ARB2A: variants seen among roughly 807,000 people sequenced by gnomAD.
The protein encoded by ARB2A is cotranscriptional regulator ARB2A.
the ARB2A span, chr5:93,805,827 T>G: frequency 1.0e-6 from 1 of 985,154 alleles, no homozygotes; most frequent in Non-Finnish European, 1.2e-6. Flanking sequence ...TGTTGCACCA[T>G]ACACTTGTTG....
the ARB2A span, among the ~76,000 whole-genome samples, chr5:94,057,843 C>A: frequency 2.6e-5 from 4 of 152,076 alleles, no homozygotes; most frequent in South Asian, 4.2e-4. Flanking sequence ...GAAGGAAGAA[C>A]CCAAACAAAG....
chr5:93,887,024 G>A, the ARB2A span, among the ~76,000 whole-genome samples: 1 of 151,640 alleles, frequency 6.6e-6, no homozygotes, highest in Non-Finnish European at 1.5e-5. Context: ...GCCACAAAAA[G>A]TTTTCAGAGG....
chr5:94,049,863 T>G, the ARB2A span, among the ~76,000 whole-genome samples: 2 of 152,112 alleles, frequency 1.3e-5, no homozygotes, highest in Non-Finnish European at 2.9e-5. Flanking sequence ...GAATTTCGCA[T>G]AAATTTGTTT....
At chr5:93,744,434 C>CAAAAAA in the ARB2A span, among the ~76,000 whole-genome samples, 495 of 14,532 alleles carry the variant, frequency 0.034, 116 homozygotes, top group African/African-American at 0.056. Flanking sequence ...GACTCAGTCT[C>CAAAAAA]AAAAAAAAAA....
At chr5:93,891,928 C>T in the ARB2A span, among the ~76,000 whole-genome samples, 1 of 152,150 alleles carries the variant, frequency 6.6e-6, no homozygotes, top group African/African-American at 2.4e-5. Context: ...TACAGCACTA[C>T]AGCTAAGCAC....
At chr5:93,656,183 C>A in the ARB2A span, among the ~76,000 whole-genome samples, 1 of 152,072 alleles carries the variant, frequency 6.6e-6, no homozygotes, top group Non-Finnish European at 1.5e-5. Context: ...CAGACATTTT[C>A]TGAGATAAGT....
chr5:93,743,728 G>A, the ARB2A span, among the ~76,000 whole-genome samples: 3 of 150,714 alleles, frequency 2.0e-5, no homozygotes, highest in African/African-American at 4.9e-5. Context: ...GTGCAGTGGC[G>A]TGATCTCGGC....
the ARB2A span, among the ~76,000 whole-genome samples, chr5:93,761,793 G>A: frequency 1.3e-5 from 2 of 152,182 alleles, no homozygotes; most frequent in African/African-American, 4.8e-5. Flanking sequence ...TAGCCTAACT[G>A]GGAGGCACCC....
chr5:93,917,366 T>C, the ARB2A span, among the ~76,000 whole-genome samples: 1 of 152,142 alleles, frequency 6.6e-6, no homozygotes, highest in African/African-American at 2.4e-5. Flanking sequence ...ACAATTCACA[T>C]AGCTAGTAGG....
the ARB2A span, among the ~76,000 whole-genome samples, chr5:94,067,764 G>A: frequency 5.9e-5 from 9 of 152,150 alleles, no homozygotes; most frequent in East Asian, 5.8e-4. Context: ...CAGATTCAAC[G>A]CAATCCCTTT....
At chr5:93,848,598 T>G in the ARB2A span, among the ~76,000 whole-genome samples, 1 of 152,168 alleles carries the variant, frequency 6.6e-6, no homozygotes, top group African/African-American at 2.4e-5. Flanking sequence ...TTCTGACCAT[T>G]GCAATCACTT....
the ARB2A span, among the ~76,000 whole-genome samples, chr5:93,808,767 G>C: frequency 5.3e-5 from 8 of 151,838 alleles, no homozygotes; most frequent in Non-Finnish European, 1.2e-4. Context: ...AGGCCTTCAA[G>C]GGAATAATAA....
chr5:93,817,896 A>C, the ARB2A span, among the ~76,000 whole-genome samples: 1 of 152,168 alleles, frequency 6.6e-6, no homozygotes, highest in Admixed American at 6.5e-5. Context: ...AATCATCAAG[A>C]AAGTGACTTA....
chr5:93,831,720 T>C, the ARB2A span, among the ~76,000 whole-genome samples: 3 of 152,216 alleles, frequency 2.0e-5, no homozygotes, highest in African/African-American at 7.2e-5. Flanking sequence ...GGCCCATCCA[T>C]GACTAAAGGG....
At chr5:94,066,544 T>C in the ARB2A span, among the ~76,000 whole-genome samples, 2 of 150,996 alleles carry the variant, frequency 1.3e-5, no homozygotes, top group African/African-American at 4.9e-5. Flanking sequence ...GAAAAGGTCA[T>C]AACAGACTAT....
At chr5:93,878,749 G>A in the ARB2A span, among the ~76,000 whole-genome samples, 1 of 151,862 alleles carries the variant, frequency 6.6e-6, no homozygotes, top group Admixed American at 6.6e-5. Flanking sequence ...ATCAAATGTT[G>A]TTTACTATAT....
chr5:93,636,254 T>A, the ARB2A span, among the ~76,000 whole-genome samples: 1 of 152,188 alleles, frequency 6.6e-6, no homozygotes, highest in Non-Finnish European at 1.5e-5. Flanking sequence ...CAGTTAATGA[T>A]TTGGAATTGT....
the ARB2A span, among the ~76,000 whole-genome samples, chr5:93,650,277 A>G: frequency 6.6e-6 from 1 of 152,186 alleles, no homozygotes; most frequent in Admixed American, 6.5e-5. Flanking sequence ...GGAAGTGGCT[A>G]TAATGTGCTA....
chr5:93,723,908 A>T, the ARB2A span, among the ~76,000 whole-genome samples: 1 of 152,088 alleles, frequency 6.6e-6, no homozygotes, highest in South Asian at 2.1e-4. Context: ...ATTACTCTGT[A>T]ACATTAATCT....
Sources: gnomAD v4.1 joint callset for allele counts (sites outside exome capture counted in the v4.1 genomes callset) on GRCh38, gnomAD v4.1.1 for gene constraint, MANE v1.5 for transcripts, NCBI Gene and HGNC (gene_info 2026-07-23, HGNC 2026-07-21) for gene names.